The following CADPS variants were observed in gnomAD, a reference collection of about 807,000 sequenced individuals.
CADPS encodes calcium dependent secretion activator, also known as calcium-dependent secretion activator 1.
In CADPS, 57 loss-of-function variants were observed where a neutral mutation model predicts 167.3. The ratio of observed to expected loss-of-function variants is 0.34; its 90% CI spans 0.28 to 0.42. The LOEUF (loss-of-function observed/expected upper bound fraction) is 0.42. Ranked by LOEUF, CADPS falls within the 20% of genes least tolerant of loss-of-function variation. The pLI is 1.00. For missense variants in CADPS, 1,414 were observed against 1,738.1 expected (o/e 0.81, Z 3.32); for synonymous variants, 676 against 635.3 (o/e 1.06, Z -0.96).
rs572637189 is a variant in CADPS at position 62,529,022 on chromosome 3, G to T, written c.2291+3849C>A. ...AAAAATACAAAAAAATTAGCGGGGC[G>T]TGGTGGCAGTCACCTGTAATCCCAG... On this transcript the variant is annotated intron_variant, in intron 13 of 29. Coordinates refer to ENST00000383710, the MANE Select transcript of CADPS (RefSeq NM_003716.4). Among the ~76,000 whole-genome samples, 28 of 152,150 alleles carry T rather than the reference G, an allele frequency of 1.8e-4. No individual in the cohort carries two copies. In the East Asian group the frequency reaches 5.2e-3, roughly 28 times the overall value.
intron 6 of CADPS, among the ~76,000 whole-genome samples, chr3:62,606,188 C>T (rs1419841122): frequency 2.0e-5 from 3 of 152,172 alleles, no homozygotes; most frequent in South Asian, 2.1e-4. Flanking sequence ...TTTGTTCATG[C>T]GATTACTCCT....
intron 6 of CADPS, among the ~76,000 whole-genome samples, chr3:62,595,621 T>G (rs1261507281): frequency 6.6e-6 from 1 of 152,224 alleles, no homozygotes; most frequent in Non-Finnish European, 1.5e-5. Context: ...TAGTGATTAT[T>G]GCTTATCTAT....
At chr3:62,500,858 A>C (rs1249217318) in intron 17 of CADPS, among the ~76,000 whole-genome samples, 1 of 152,344 alleles carries the variant, frequency 6.6e-6, no homozygotes, top group Middle Eastern at 3.4e-3. Flanking sequence ...CGTAATGAAC[A>C]TATCAGGTCA....
At chr3:62,622,789 A>G (rs2063395647) in intron 6 of CADPS, among the ~76,000 whole-genome samples, 4 of 152,270 alleles carry the variant, frequency 2.6e-5, no homozygotes, top group Admixed American at 2.6e-4. Flanking sequence ...CAGGCTGTAA[A>G]TGTTCCCTAA....
intron 28 of CADPS, among the ~76,000 whole-genome samples, chr3:62,431,257 A>G (rs2053881436): frequency 6.6e-6 from 1 of 152,210 alleles, no homozygotes; most frequent in Admixed American, 6.5e-5. Flanking sequence ...CAGTGACACA[A>G]GAAATGCTGG....
chr3:62,788,644 G>A (rs2092677917), intron 1 of CADPS, among the ~76,000 whole-genome samples: 1 of 152,108 alleles, frequency 6.6e-6, no homozygotes, highest in Admixed American at 6.6e-5. Context: ...TTCCTTGTTG[G>A]TAGGGATTTC....
intron 3 of CADPS, among the ~76,000 whole-genome samples, chr3:62,747,528 C>T (rs1302666392): frequency 6.6e-6 from 1 of 152,134 alleles, no homozygotes; most frequent in East Asian, 1.9e-4. Flanking sequence ...TCATCAAGTT[C>T]AAGGAAGATA....
At chr3:62,665,995 A>G (rs1180298480) in intron 3 of CADPS, among the ~76,000 whole-genome samples, 9 of 152,188 alleles carry the variant, frequency 5.9e-5, no homozygotes, top group African/African-American at 1.9e-4. Flanking sequence ...CATTTCTGAC[A>G]TGGGCCACAG....
intron 21 of CADPS, among the ~76,000 whole-genome samples, chr3:62,484,077 A>C (rs1159727485): frequency 6.6e-6 from 1 of 152,228 alleles, no homozygotes; most frequent in African/African-American, 2.4e-5. Flanking sequence ...TCTATTAATC[A>C]AAACATATTG....
intron 1 of CADPS, among the ~76,000 whole-genome samples, chr3:62,789,142 C>T (rs1466347658): frequency 6.6e-6 from 1 of 152,174 alleles, no homozygotes; most frequent in Non-Finnish European, 1.5e-5. Flanking sequence ...TATTCATTCT[C>T]AATCACTGGT....
At chr3:62,532,761 A>G in intron 13 of CADPS, 110 bp downstream of exon 13, 1 of 831,788 alleles carries the variant, frequency 1.2e-6, no homozygotes. Flanking sequence ...ACGTGTGCAC[A>G]TACCACCGAA....
chr3:62,609,217 C>G (rs1289981242), intron 6 of CADPS, among the ~76,000 whole-genome samples: 4 of 139,330 alleles, frequency 2.9e-5, no homozygotes, highest in African/African-American at 7.6e-5. Flanking sequence ...TTCAGTGGAC[C>G]CTCTTTTTTT....
chr3:62,406,888 ATTC>A, intron 28 of CADPS, among the ~76,000 whole-genome samples: 1 of 152,168 alleles, frequency 6.6e-6, no homozygotes. Flanking sequence ...TTGCCACTTA[ATTC>A]TTCTTTCTAC....
chr3:62,572,862 T>G (rs573291385), intron 8 of CADPS, among the ~76,000 whole-genome samples: 2 of 152,156 alleles, frequency 1.3e-5, no homozygotes, highest in Non-Finnish European at 2.9e-5. Flanking sequence ...GCATGTAACC[T>G]AAGCACATCC....
Position 62,753,546 on chromosome 3 carries a change from G to C in CADPS, c.783C>G (p.Ser261Arg), listed in dbSNP as rs200446361. 6.2e-7 allele frequency: 1 copy of C among 1,614,082 alleles called. No homozygotes were observed. Among genetic ancestry groups the C allele is most frequent in the South Asian group, 1.1e-5 (1 of 91,074 alleles). Residue 261 changes from serine (S) to arginine (R), a missense_variant, in exon 3 of 30, where the codon AGC (serine) becomes AGG (arginine). Physicochemically the swap from Ser to Arg is moderately radical, Grantham distance 110 (BLOSUM62 -1). Coordinates refer to ENST00000383710, the MANE Select transcript of CADPS (RefSeq NM_003716.4). The surrounding 1 kb of genome is among the most constrained non-coding windows in gnomAD (Gnocchi z 4.6). ...TGCTCAGAATCAGCTCGGAGGCTGC[G>C]CTGGCTGTCATCCGGGCCTGCTGCT... ...PRKQQARMTA[S>R]AASELILSKE...
intron 1 of CADPS, among the ~76,000 whole-genome samples, chr3:62,788,824 A>G (rs370428599): frequency 1.3e-5 from 2 of 152,308 alleles, no homozygotes; most frequent in Non-Finnish European, 2.9e-5. Context: ...TTTTGCCCAT[A>G]TATTTTTCCA....
chr3:62,427,020 A>T (rs2052872571), intron 28 of CADPS, among the ~76,000 whole-genome samples: 1 of 150,390 alleles, frequency 6.6e-6, no homozygotes. Context: ...GCTTGTGGTG[A>T]GCAGAGATTG....
At chr3:62,431,397 C>G (rs577426710) in intron 28 of CADPS, among the ~76,000 whole-genome samples, 9 of 152,046 alleles carry the variant, frequency 5.9e-5, no homozygotes, top group South Asian at 2.1e-4. Flanking sequence ...TTTAGCCCCC[C>G]CTCAATCTTT....
intron 9 of CADPS, among the ~76,000 whole-genome samples, chr3:62,567,448 C>T (rs965585854): frequency 3.3e-5 from 5 of 151,320 alleles, no homozygotes; most frequent in African/African-American, 1.2e-4. Flanking sequence ...GGCCCTGAAA[C>T]AGTGCACAGT....
Sources: gnomAD v4.1 joint callset for allele counts (sites outside exome capture counted in the v4.1 genomes callset) on GRCh38, gnomAD v4.1.1 for gene constraint, Gnocchi (gnomAD v3.1) non-coding constraint, MANE v1.5 for transcripts, NCBI Gene and HGNC (gene_info 2026-07-23, HGNC 2026-07-21) for gene names.